The following ZNF749 variants were observed in gnomAD, a reference collection of about 807,000 sequenced individuals.
The protein encoded by ZNF749 is zinc finger protein 749.
In ZNF749, 8 loss-of-function variants were observed where a neutral mutation model predicts 7.3. That is an observed-to-expected ratio of 1.10 (90% CI 0.64 to 1.98). The LOEUF is 1.98. Among genes scored for constraint, ZNF749 ranks in the 30% most tolerant of loss-of-function variants. The pLI is 0.00. For missense variants in ZNF749, 898 were observed against 932.4 expected (o/e 0.96, Z 0.48); for synonymous variants, 310 against 322.4 (o/e 0.96, Z 0.41).
Position 57,446,787 on chromosome 19 carries a change from T to C in ZNF749, c.*1302T>C, listed in dbSNP as rs1303001373. On this transcript the variant is annotated 3_prime_UTR_variant, in exon 3 of 3. Transcript: ENST00000334181. ...GATATGGTCCATTGCGCCTCAGATA[T>C]AAACCTTAACAGCATGTTACAGTAT... Among the ~76,000 whole-genome samples, 1 of 152,178 alleles carries C rather than the reference T, an allele frequency of 6.6e-6. No homozygotes were observed. The highest frequency in any genetic ancestry group is 1.5e-5 in the Non-Finnish European group (1 of 68,020).
rs769431378 is a variant in ZNF749 at position 57,439,625 on chromosome 19, C to T, written c.16-2260C>T. On this transcript the variant is annotated intron_variant, in intron 1 of 2. Transcript: ENST00000334181. This position sits in a 1 kb window ranked among gnomAD's most constrained non-coding sequence, Gnocchi z 4.3. Reference sequence around the variant, plus strand: ...AATAATAAATAGCTGGGTGTGGTGGCGTCTCTCTGTGGTCTCAGCTAATCG... The same window carrying T: ...AATAATAAATAGCTGGGTGTGGTGGTGTCTCTCTGTGGTCTCAGCTAATCG... Among the ~76,000 whole-genome samples, 43 of 151,830 alleles carry T rather than the reference C, an allele frequency of 2.8e-4. No homozygotes were observed. The highest frequency in any genetic ancestry group is 8.9e-4 in the African/African-American group (37 of 41,368).
chr19:57,432,883 T>C (rs1222416470), upstream of ZNF749, among the ~76,000 whole-genome samples: 1 of 152,180 alleles, frequency 6.6e-6, no homozygotes, highest in African/African-American at 2.4e-5. Context: ...GTAAGAAGTA[T>C]GCTTAATGGT....
chr19:57,441,811 A>G, intron 1 of ZNF749, 74 bp from the exon 2 acceptor site: 13 of 1,571,190 alleles, frequency 8.3e-6, no homozygotes, highest in Non-Finnish European at 1.0e-5. Context: ...TTAGATTTTA[A>G]GTAGATAAAT....
At position 57,442,957 on chromosome 19, in the gene ZNF749, A is replaced by G. The variant is rs755407217; in HGVS notation, c.143-334A>G. Among the ~76,000 whole-genome samples the G allele has an allele frequency of 2.6e-5, 4 of 152,154 alleles. No individual in the cohort carries two copies. The highest frequency in any genetic ancestry group is 4.4e-5 in the Non-Finnish European group (3 of 68,032). On this transcript the variant is annotated intron_variant, in intron 2 of 2. Coordinates refer to ENST00000334181, the MANE Select transcript of ZNF749 (RefSeq NM_001023561.4). The surrounding 1 kb of genome is among the most constrained non-coding windows in gnomAD (Gnocchi z 6.6). ...GTCTGCGTGTATCCTTCAGTAGTCCATGAATACTCGCTCTCACACAATCAG... is the reference window on the plus strand; with the variant it reads ...GTCTGCGTGTATCCTTCAGTAGTCCGTGAATACTCGCTCTCACACAATCAG...
In ZNF749 at chr19:57,444,344, T is replaced by G. The variant is rs754216639; in HGVS notation, c.1196T>G (p.Met399Arg). The G allele has an allele frequency of 6.2e-7, 1 of 1,614,166 alleles. No individual in the cohort carries two copies. The highest frequency in any genetic ancestry group is 1.1e-5 in the South Asian group (1 of 91,082). The change falls in exon 3 of 3, where the codon ATG becomes AGG. Residue 399 changes from methionine to arginine, a missense_variant. Coordinates refer to ENST00000334181, the MANE Select transcript of ZNF749 (RefSeq NM_001023561.4). ...KFFSHRSTLN[M>R]HQRVHAGKRL... The stretch of plus-strand genomic sequence containing the variant: ...TTTAGTCACCGCTCCACACTCAATA[T>G]GCACCAGAGAGTTCATGCTGGCAAA...
In ZNF749 at chr19:57,435,512, G is replaced by T; in HGVS notation, c.-67G>T. On this transcript the variant is annotated 5_prime_UTR_variant, in exon 1 of 3. Coordinates refer to ENST00000334181, the MANE Select transcript of ZNF749 (RefSeq NM_001023561.4). ...GTCGGCTGCAGGCGCCCCTGCCTCC[G>T]TCAGCGTCCAGGTGACCGCCGTTCC... The T allele has an allele frequency of 6.4e-7, 1 of 1,560,102 alleles. No individual in the cohort carries two copies.
chr19:57,433,641 G>C (rs1269099029), upstream of ZNF749, among the ~76,000 whole-genome samples: 1 of 147,232 alleles, frequency 6.8e-6, no homozygotes. Flanking sequence ...TTTTAAACTG[G>C]TTGGCAAACT....
rs2089027136 is a variant in ZNF749, at chr19:57,444,096, C to T, written c.948C>T (p.His316=). 6.2e-7 allele frequency: 1 copy of T among 1,613,802 alleles called. No homozygotes were observed. Residue 316 remains histidine, a synonymous_variant, in exon 3 of 3, where the codon CAC becomes CAT. Coordinates refer to ENST00000334181, the MANE Select transcript of ZNF749 (RefSeq NM_001023561.4). The stretch of plus-strand genomic sequence containing the variant: ...TTACACAGGCTCATCTGGTTGGTCA[C>T]CAGAAAACCCATACTGGAGAACAGC... ...AFLTQAHLVG[H]QKTHTGEQPY...
At position 57,442,931 on chromosome 19, in the gene ZNF749, G is replaced by C. The variant is rs992097357; in HGVS notation, c.143-360G>C. Among the ~76,000 whole-genome samples, 1 of 152,154 alleles carries C rather than the reference G, an allele frequency of 6.6e-6. No homozygotes were observed. The highest frequency in any genetic ancestry group is 3.2e-3 in the Middle Eastern group (1 of 316). On this transcript the variant is annotated intron_variant, in intron 2 of 2. Transcript: ENST00000334181. The surrounding 1 kb of genome is among the most constrained non-coding windows in gnomAD (Gnocchi z 6.6). ...ATGACCTGTACTTTAGGTGTTATGA[G>C]GTCTGCGTGTATCCTTCAGTAGTCC...
chr19:57,437,296 T>G lies in ZNF749; in HGVS notation c.15+1703T>G, dbSNP rs7247179. Among the ~76,000 whole-genome samples, 381 of 152,204 alleles carry G rather than the reference T, an allele frequency of 2.5e-3. 1 individual carries two copies. Among genetic ancestry groups the G allele is most frequent in the African/African-American group, 8.6e-3 (358 of 41,542 alleles). On this transcript the variant is annotated intron_variant, in intron 1 of 2. Transcript: ENST00000334181. ...TCCTCAGCCAATATCCTTCTAAATA[T>G]GTACACATAGGCAATTGGAAATAGA...
At chr19:57,430,823 C>T (rs895901764), upstream of ZNF749, among the ~76,000 whole-genome samples, 2 of 152,022 alleles carry the variant, frequency 1.3e-5, no homozygotes, top group East Asian at 1.9e-4. Flanking sequence ...GGGCAGATCA[C>T]GAGGTCAGGA....
Position 57,439,678 on chromosome 19 carries a change from G to A in ZNF749, c.16-2207G>A, listed in dbSNP as rs2088969183. 6.6e-6 allele frequency among the ~76,000 whole-genome samples: 1 copy of A among 152,204 alleles called. No individual in the cohort carries two copies. The highest frequency in any genetic ancestry group is 2.4e-5 in the African/African-American group (1 of 41,536). On this transcript the variant is annotated intron_variant, in intron 1 of 2. Transcript: ENST00000334181. The surrounding 1 kb of genome is among the most constrained non-coding windows in gnomAD (Gnocchi z 4.3). ...GTGCTGAGGCAGGAGGGTCACCTGA[G>A]CCTGGGAAGTAAAGGCTGCAGTGAG...
At chr19:57,443,216 C>G (rs1157586851) in intron 2 of ZNF749, 75 bp from the exon 3 acceptor site, 2 of 1,330,724 alleles carry the variant, frequency 1.5e-6, no homozygotes, top group Admixed American at 2.0e-5. Context: ...GGGTGTGTCT[C>G]ACAGACATTT....
Position 57,446,778 on chromosome 19 carries a change from C to T in ZNF749, c.*1293C>T, listed in dbSNP as rs2089070376. Among the ~76,000 whole-genome samples, 1 of 152,066 alleles carries T rather than the reference C, an allele frequency of 6.6e-6. No homozygotes were observed. The highest frequency in any genetic ancestry group is 6.6e-5 in the Admixed American group (1 of 15,264). On this transcript the variant is annotated 3_prime_UTR_variant, in exon 3 of 3. Coordinates refer to ENST00000334181, the MANE Select transcript of ZNF749 (RefSeq NM_001023561.4). ...AGGCTATATGATATGGTCCATTGCG[C>T]CTCAGATATAAACCTTAACAGCATG...
At position 57,444,620 on chromosome 19, in the gene ZNF749, C is replaced by G. The variant is rs764412702; in HGVS notation, c.1472C>G (p.Ala491Gly). The stretch of plus-strand genomic sequence containing the variant: ...TATACATGCAGTGAATGTGGGAAGG[C>G]CTTCCTTACACAGGCTCATCTGGTT... The part of the protein sequence containing the change: ...RPYTCSECGK[A>G]FLTQAHLVGH... Residue 491 changes from alanine to glycine, a missense_variant, in exon 3 of 3, where the codon GCC becomes GGC. Coordinates refer to ENST00000334181, the MANE Select transcript of ZNF749 (RefSeq NM_001023561.4). 2 of 1,613,512 alleles carry G rather than the reference C, an allele frequency of 1.2e-6. No homozygotes were observed. The highest frequency in any genetic ancestry group is 2.2e-5 in the South Asian group (2 of 91,022).
chr19:57,434,203 T>C (rs1485372456), upstream of ZNF749, among the ~76,000 whole-genome samples: 1 of 152,164 alleles, frequency 6.6e-6, no homozygotes, highest in African/African-American at 2.4e-5. Context: ...GTTCAAGCGA[T>C]TCTCCTGCCT....
rs1185631569 is a variant in ZNF749 at position 57,439,922 on chromosome 19, C to G, written c.16-1963C>G. 6.6e-6 allele frequency among the ~76,000 whole-genome samples: 1 copy of G among 151,994 alleles called. No homozygotes were observed. The stretch of plus-strand genomic sequence containing the variant: ...TAGCTGAACTGTTGTGAAACTGGGT[C>G]AGATTTAGGAAGCAATGGTGTTAGT... On this transcript the variant is annotated intron_variant, in intron 1 of 2. Coordinates refer to ENST00000334181, the MANE Select transcript of ZNF749 (RefSeq NM_001023561.4). The surrounding 1 kb of genome is among the most constrained non-coding windows in gnomAD (Gnocchi z 4.3).
Position 57,444,237 on chromosome 19 carries a change from T to C in ZNF749, c.1089T>C (p.Phe363=), listed in dbSNP as rs751125524. 6.2e-7 allele frequency: 1 copy of C among 1,614,114 alleles called. No individual in the cohort carries two copies. Among genetic ancestry groups the C allele is most frequent in the Non-Finnish European group, 8.5e-7 (1 of 1,180,014 alleles). ...AGTGCAGTGAATGTGGGAAATTGTT[T>C]ATGGACAGCTTCACACTCGGTAGAC... The part of the protein sequence containing the change: ...RYECSECGKL[F]MDSFTLGRHQ... Residue 363 remains phenylalanine (F), a synonymous_variant, in exon 3 of 3, where the codon TTT becomes TTC. Coordinates refer to ENST00000334181, the MANE Select transcript of ZNF749 (RefSeq NM_001023561.4).
intron 2 of ZNF749, 22 bp from the exon 3 acceptor site, chr19:57,443,269 A>G (rs1264698661): frequency 1.9e-6 from 3 of 1,572,772 alleles, no homozygotes; most frequent in South Asian, 1.2e-5. Context: ...CGTGCACTTC[A>G]CCAGCATTTC....
Sources: allele counts gnomAD v4.1 joint callset (sites outside exome capture counted in the v4.1 genomes callset), GRCh38; gene constraint gnomAD v4.1.1; non-coding constraint Gnocchi (gnomAD v3.1); transcripts MANE v1.5; gene names NCBI Gene and HGNC (gene_info 2026-07-23, HGNC 2026-07-21).